Variants in MAGI2 observed in about 807,000 individuals in gnomAD.
The protein encoded by MAGI2 is membrane associated guanylate kinase, WW and PDZ domain containing 2, also known as membrane-associated guanylate kinase, WW and PDZ domain-containing protein 2.
MAGI2 carries 35 observed loss-of-function variants against 133.3 expected under a neutral mutation model. The ratio of observed to expected loss-of-function variants is 0.26; its 90% CI spans 0.20 to 0.35. MAGI2 has a LOEUF of 0.35. Among genes scored for constraint, MAGI2 ranks in the 10% least tolerant of loss-of-function variants. The pLI is 1.00. For synonymous variants in MAGI2, 729 were observed against 710.6 expected, an observed-to-expected ratio of 1.03 and a Z score of -0.41; for missense variants, 1,636 against 1,863.4, an observed-to-expected ratio of 0.88 and a Z score of 2.25.
intron 1 of MAGI2, among the ~76,000 whole-genome samples, chr7:79,291,074 C>T (rs1009185281): frequency 1.3e-5 from 2 of 151,214 alleles, no homozygotes; most frequent in South Asian, 2.1e-4. Context: ...AATCACTCCC[C>T]GCACTCCACT....
At chr7:78,480,940 T>G (rs1792304822) in intron 6 of MAGI2, among the ~76,000 whole-genome samples, 1 of 151,934 alleles carries the variant, frequency 6.6e-6, no homozygotes, top group South Asian at 2.1e-4. Context: ...TTGGAAGGGC[T>G]TATCATGTTC....
At chr7:78,862,359 C>T (rs1013096569) in intron 2 of MAGI2, among the ~76,000 whole-genome samples, 9 of 152,188 alleles carry the variant, frequency 5.9e-5, no homozygotes, top group African/African-American at 1.7e-4. Context: ...AAAATGAAAA[C>T]GTATATGGGA....
chr7:78,280,591 C>G (rs1397919139), intron 9 of MAGI2, among the ~76,000 whole-genome samples: 1 of 151,976 alleles, frequency 6.6e-6, no homozygotes, highest in Non-Finnish European at 1.5e-5. Flanking sequence ...CCAAGAGTCC[C>G]GTGACATATA....
intron 3 of MAGI2, among the ~76,000 whole-genome samples, chr7:78,538,916 A>G (rs933071926): frequency 6.6e-6 from 1 of 152,254 alleles, no homozygotes; most frequent in Non-Finnish European, 1.5e-5. Context: ...CAATGAATAG[A>G]ATACTACCTC....
At chr7:79,074,607 G>C (rs914689641) in intron 1 of MAGI2, among the ~76,000 whole-genome samples, 2 of 152,174 alleles carry the variant, frequency 1.3e-5, no homozygotes, top group African/African-American at 4.8e-5. Context: ...TGGCTGAAAG[G>C]AAGTACTATG....
chr7:79,362,676 A>T (rs2129124281), intron 1 of MAGI2, among the ~76,000 whole-genome samples: 1 of 152,202 alleles, frequency 6.6e-6, no homozygotes, highest in South Asian at 2.1e-4. Flanking sequence ...CAACAAGCTA[A>T]AAAAGAAAAC....
At chr7:78,109,303 CAAAAAAAAAAAAAAAAAA>C (rs71085511) in intron 20 of MAGI2, among the ~76,000 whole-genome samples, 4 of 19,948 alleles carry the variant, frequency 2.0e-4, no homozygotes, top group Admixed American at 1.0e-3. Flanking sequence ...GACTCCGTCT[CAAAAAAAAAAAAAAAAAA>C]AAAAAAAAAA....
chr7:78,145,513 G>A (rs1019717748), intron 16 of MAGI2, among the ~76,000 whole-genome samples: 1 of 152,016 alleles, frequency 6.6e-6, no homozygotes, highest in African/African-American at 2.4e-5. Flanking sequence ...ATCCCGGATT[G>A]GTCTGCTGCT....
intron 6 of MAGI2, chr7:78,484,925 C>T (rs1187471457): frequency 8.5e-6 from 1 of 117,510 alleles, no homozygotes; most frequent in Non-Finnish European, 1.6e-5. Context: ...TTCCTGACTC[C>T]AAATCTTAAA....
intron 2 of MAGI2, among the ~76,000 whole-genome samples, chr7:78,848,255 C>T (rs975396552): frequency 3.3e-5 from 5 of 151,812 alleles, no homozygotes; most frequent in African/African-American, 9.7e-5. Context: ...GAGCCACTGC[C>T]GTCCACCTAG....
At chr7:78,175,192 C>T (rs1349259151) in intron 14 of MAGI2, among the ~76,000 whole-genome samples, 1 of 152,106 alleles carries the variant, frequency 6.6e-6, no homozygotes, top group Non-Finnish European at 1.5e-5. Flanking sequence ...CCAATTTTTT[C>T]CCCTTCTTCT....
At chr7:79,214,929 TATATAAC>T (rs960209470) in intron 1 of MAGI2, among the ~76,000 whole-genome samples, 12 of 147,728 alleles carry the variant, frequency 8.1e-5, no homozygotes, top group African/African-American at 2.5e-4. Context: ...ATTTCTATGA[TATATAAC>T]ATATAAACAT....
chr7:78,492,313 T>C (rs1189672725), intron 5 of MAGI2, among the ~76,000 whole-genome samples: 4 of 152,106 alleles, frequency 2.6e-5, no homozygotes, highest in Non-Finnish European at 5.9e-5. Flanking sequence ...GAGTCTCTTA[T>C]AGTTAACACC....
At chr7:78,768,696 A>G (rs550539479) in intron 2 of MAGI2, among the ~76,000 whole-genome samples, 1 of 152,348 alleles carries the variant, frequency 6.6e-6, no homozygotes, top group South Asian at 2.1e-4. Context: ...GTCATTTTGC[A>G]GAAAGCATCT....
chr7:78,282,906 T>TAACA (rs1795767242), intron 9 of MAGI2, among the ~76,000 whole-genome samples: 1 of 152,148 alleles, frequency 6.6e-6, no homozygotes, highest in Non-Finnish European at 1.5e-5. Flanking sequence ...ATGTTTATGT[T>TAACA]AACAATGAGC....
intron 1 of MAGI2, among the ~76,000 whole-genome samples, chr7:79,087,621 G>T (rs1816640475): frequency 6.6e-6 from 1 of 151,914 alleles, no homozygotes; most frequent in Admixed American, 6.6e-5. Context: ...GGAATTTTAT[G>T]GTTTTAGGTC....
chr7:78,789,116 T>C (rs1827070273), intron 2 of MAGI2, among the ~76,000 whole-genome samples: 1 of 152,204 alleles, frequency 6.6e-6, no homozygotes, highest in African/African-American at 2.4e-5. Context: ...TGTGCTTCCA[T>C]TTTTAAAAAA....
At chr7:78,280,682 G>C (rs1287490730) in intron 9 of MAGI2, among the ~76,000 whole-genome samples, 1 of 151,962 alleles carries the variant, frequency 6.6e-6, no homozygotes, top group South Asian at 2.1e-4. Flanking sequence ...AGGAGTAAGT[G>C]GTGGAGCCAG....
At chr7:79,097,392 C>T (rs774403752) in intron 1 of MAGI2, among the ~76,000 whole-genome samples, 7 of 152,108 alleles carry the variant, frequency 4.6e-5, no homozygotes, top group Non-Finnish European at 1.0e-4. Context: ...GTTACTGAAA[C>T]CAACAGAGCT....
Sources: allele counts gnomAD v4.1 joint callset (sites outside exome capture counted in the v4.1 genomes callset), GRCh38; gene constraint gnomAD v4.1.1; transcripts MANE v1.5; gene names NCBI Gene and HGNC (gene_info 2026-07-23, HGNC 2026-07-21).